Variants in ZXDC observed in about 807,000 individuals in gnomAD.
ZXDC encodes zinc finger protein ZXDC.
A neutral mutation model predicts 63.6 loss-of-function variants in ZXDC; 58 were observed. The ratio of observed to expected loss-of-function variants is 0.91; its 90% CI spans 0.74 to 1.13. The LOEUF (loss-of-function observed/expected upper bound fraction) is 1.13, where lower values mean the gene tolerates loss of function less well. Among genes scored for constraint, ZXDC ranks in the 50% most tolerant of loss-of-function variants. The probability of loss-of-function intolerance (pLI) is 0.00; values close to 1 mark genes in which losing one functional copy is unlikely to be tolerated. For synonymous variants in ZXDC, 561 were observed against 496.1 expected (o/e 1.13, Z -1.74); for missense variants, 1,133 against 1,148.9 (o/e 0.99, Z 0.20).
chr3:126,471,596 A>C (rs1934982030), intron 3 of ZXDC, among the ~76,000 whole-genome samples: 1 of 152,146 alleles, frequency 6.6e-6, no homozygotes, highest in Admixed American at 6.5e-5. Flanking sequence ...TAGAAGACAC[A>C]CATGTAAAGT....
intron 1 of ZXDC, among the ~76,000 whole-genome samples, chr3:126,473,985 T>C (rs1404167086): frequency 6.6e-6 from 1 of 151,458 alleles, no homozygotes; most frequent in Admixed American, 6.6e-5. Flanking sequence ...CCCATCCTGG[T>C]GAAGAGCTCA....
Position 126,452,033 on chromosome 3 carries a change from A to AT in ZXDC, c.2212+7619dup, listed in dbSNP as rs35798393. 5.6e-5 allele frequency: 55 copies of AT among 982,354 alleles called. No homozygotes were observed. The East Asian group carries it at 1.0e-3, about 18-fold the overall frequency. The allele number at this position is 982,354 out of a possible 1,614,324, so 60.9% of individuals were successfully genotyped here. On this transcript the variant is annotated intron_variant, in intron 7 of 9. Coordinates refer to ENST00000389709, the MANE Select transcript of ZXDC (RefSeq NM_025112.5). ...TCTTTATTCTGTATGGAATTCTAAT[A>AT]TTTTTTTTTCCCTAAAAGGCCAGCA...
chr3:126,462,361 GAC>G (rs1934591991), intron 5 of ZXDC, 141 bp from the exon 6 acceptor site: 2 of 1,396,126 alleles, frequency 1.4e-6, no homozygotes, highest in Non-Finnish European at 1.9e-6. Flanking sequence ...TGGTTATCAC[GAC>G]AGAGTCCCAT....
Position 126,441,846 on chromosome 3 carries a change from C to G in ZXDC, c.2313G>C (p.Val771=). 1 of 1,613,894 alleles carries G rather than the reference C, an allele frequency of 6.2e-7. No individual in the cohort carries two copies. The part of the protein sequence containing the change: ...QNSWLCGSLV[V]PSGGRPGPAP... The stretch of plus-strand genomic sequence containing the variant: ...CTGGTCCTGGCCGTCCTCCGCTGGG[C>G]ACCACGAGGCTCCCACACAACCAAC... Residue 771 remains valine, a synonymous_variant, in exon 8 of 10, where the codon GTG becomes GTC. Transcript: ENST00000389709.
At chr3:126,452,856 A>G (rs1346405669) in intron 7 of ZXDC, 1 of 270,732 alleles carries the variant, frequency 3.7e-6, no homozygotes, top group Non-Finnish European at 5.6e-6. Flanking sequence ...CTTCCGCCTC[A>G]GTCTCCCCAG....
intron 1 of ZXDC, among the ~76,000 whole-genome samples, chr3:126,474,444 G>A (rs1469019605): frequency 6.6e-6 from 1 of 152,100 alleles, no homozygotes; most frequent in Non-Finnish European, 1.5e-5. Context: ...CTTCACAGAC[G>A]GCTAATTTTT....
rs550100088 is a variant in ZXDC, at chr3:126,473,410, A to G, written c.908-1105T>C. On this transcript the variant is annotated intron_variant, in intron 1 of 9. Coordinates refer to ENST00000389709, the MANE Select transcript of ZXDC (RefSeq NM_025112.5). Reference sequence around the variant, plus strand: ...CTTCCCTGGTCCTGCTCCTGCTTCTAAACATCTAATCTCATCTAACCATCT... The same window carrying G: ...CTTCCCTGGTCCTGCTCCTGCTTCTGAACATCTAATCTCATCTAACCATCT... Among the ~76,000 whole-genome samples the G allele has an allele frequency of 1.4e-4, 21 of 152,284 alleles. No individual in the cohort carries two copies. The South Asian group carries it at 3.7e-3, about 27-fold the overall frequency.
chr3:126,475,576 T>A lies in ZXDC; in HGVS notation c.290A>T (p.Glu97Val). The A allele has an allele frequency of 1.4e-6, 2 of 1,441,100 alleles. No individual in the cohort carries two copies. Among genetic ancestry groups the A allele is most frequent in the Non-Finnish European group, 9.2e-7 (1 of 1,092,852 alleles). 89.3% of individuals were successfully genotyped at this position (1,441,100 alleles called of 1,614,324 possible). Reference protein sequence around the residue: ...AAEAAGSQEAEPGSRVNLASR... With the variant: ...AAEAAGSQEAVPGSRVNLASR... ...CGCCAGGTTGACACGGGAGCCAGGCTCGGCCTCCTGTGATCCGGCAGCCTC... is the reference window on the plus strand; with the variant it reads ...CGCCAGGTTGACACGGGAGCCAGGCACGGCCTCCTGTGATCCGGCAGCCTC... The change falls in exon 1 of 10, where the codon GAG becomes GTG. Residue 97 changes from glutamate to valine, a missense_variant. Physicochemically the swap from Glu to Val is moderately radical, Grantham distance 121 (BLOSUM62 -2). Coordinates refer to ENST00000389709, the MANE Select transcript of ZXDC (RefSeq NM_025112.5).
chr3:126,462,211 G>T lies in ZXDC; in HGVS notation c.1451C>A (p.Pro484His). 1.9e-6 allele frequency: 3 copies of T among 1,588,518 alleles called. No homozygotes were observed. The highest frequency in any genetic ancestry group is 1.8e-5 in the Admixed American group (1 of 56,794). The change falls in exon 6 of 10, where the codon CCT becomes CAT. Residue 484 changes from proline to histidine, a missense_variant. Coordinates refer to ENST00000389709, the MANE Select transcript of ZXDC (RefSeq NM_025112.5). ...AAGAGAACTCGGAGCTTCTAGCTGAGGTAAGAGATCTGAAAAAAAAAGGAA... is the reference window on the plus strand; with the variant it reads ...AAGAGAACTCGGAGCTTCTAGCTGATGTAAGAGATCTGAAAAAAAAAGGAA... ...RQHSRRQDLL[P>H]QLEAPSSLTP...
In ZXDC at chr3:126,474,965, A is replaced by G. The variant is rs1436818710; in HGVS notation, c.901T>C (p.Phe301Leu). 6.3e-7 allele frequency: 1 copy of G among 1,575,084 alleles called. No homozygotes were observed. Among genetic ancestry groups the G allele is most frequent in the East Asian group, 2.3e-5 (1 of 43,160 alleles). The change falls in exon 1 of 10, where the codon TTT becomes CTT. Residue 301 changes from phenylalanine (F) to leucine (L), a missense_variant. Phe to Leu is a conservative substitution (Grantham distance 22, BLOSUM62 0). Coordinates refer to ENST00000389709, the MANE Select transcript of ZXDC (RefSeq NM_025112.5). Reference sequence around the variant, plus strand: ...CCCCCGAGAGCGCGGTTACCGGGAAAGTCACACTTGTAAGGGCGCTCGGGC... The same window carrying G: ...CCCCCGAGAGCGCGGTTACCGGGAAGGTCACACTTGTAAGGGCGCTCGGGC... ...FEPERPYKCD[F>L]PGCEKTFITV... is the part of the protein sequence containing the mutation.
chr3:126,449,968 G>A (rs930988487), intron 7 of ZXDC, among the ~76,000 whole-genome samples: 1 of 152,194 alleles, frequency 6.6e-6, no homozygotes. Flanking sequence ...CGGGAAACTC[G>A]GCTCACAGCC....
Position 126,467,888 on chromosome 3 carries a change from C to T in ZXDC, c.1271-1563G>A, listed in dbSNP as rs186070135. Among the ~76,000 whole-genome samples the T allele has an allele frequency of 1.5e-4, 23 of 152,324 alleles. No individual in the cohort carries two copies. The South Asian group carries it at 4.6e-3, about 30-fold the overall frequency. On this transcript the variant is annotated intron_variant, in intron 4 of 9. Coordinates refer to ENST00000389709, the MANE Select transcript of ZXDC (RefSeq NM_025112.5). ...TCTTGATGGCAGGGCCACGCTACAACAGGACCCTTGCACACTCTTGCCAGC... is the reference window on the plus strand; with the variant it reads ...TCTTGATGGCAGGGCCACGCTACAATAGGACCCTTGCACACTCTTGCCAGC...
intron 7 of ZXDC, among the ~76,000 whole-genome samples, chr3:126,447,516 CCTTT>C (rs1374456225): frequency 6.6e-5 from 10 of 152,272 alleles, no homozygotes; most frequent in Middle Eastern, 3.4e-3. Context: ...ATCATTCTCT[CCTTT>C]CTATTTGATT....
chr3:126,450,302 TC>T, intron 7 of ZXDC: 1 of 456,388 alleles, frequency 2.2e-6, no homozygotes, highest in Non-Finnish European at 4.4e-6. Context: ...GGCAAAATTC[TC>T]CTGCCCCTAA....
At chr3:126,473,201 T>C (rs998383118) in intron 1 of ZXDC, among the ~76,000 whole-genome samples, 1 of 152,146 alleles carries the variant, frequency 6.6e-6, no homozygotes, top group African/African-American at 2.4e-5. Context: ...TTCGGTGTGT[T>C]CACACACTTG....
At chr3:126,441,527 G>A in intron 8 of ZXDC, 1 of 1,286,636 alleles carries the variant, frequency 7.8e-7, no homozygotes, top group Non-Finnish European at 9.8e-7. Context: ...TCAGGAAGTG[G>A]ATGCACGGTC....
At chr3:126,446,608 A>G (rs1292876929) in intron 7 of ZXDC, among the ~76,000 whole-genome samples, 1 of 152,124 alleles carries the variant, frequency 6.6e-6, no homozygotes, top group Non-Finnish European at 1.5e-5. Context: ...AGCTTCCTCT[A>G]CTGAGATCCT....
chr3:126,462,157 C>G lies in ZXDC; in HGVS notation c.1505G>C (p.Gly502Ala), dbSNP rs1413238174. ...LTPSSELSSP[G>A]QSELTNMDLA... ...ATCCATGTTAGTGAGCTCACTTTGG[C>G]CTGGGCTGCTGAGTTCACTGCTGGG... is the stretch of plus-strand genomic sequence containing the variant. Residue 502 changes from glycine to alanine, a missense_variant, in exon 6 of 10, where the codon GGC becomes GCC. Physicochemically the swap from Gly to Ala is moderately conservative, Grantham distance 60 (BLOSUM62 0). Coordinates refer to ENST00000389709, the MANE Select transcript of ZXDC (RefSeq NM_025112.5). 1 of 1,612,150 alleles carries G rather than the reference C, an allele frequency of 6.2e-7. No individual in the cohort carries two copies. Among genetic ancestry groups the G allele is most frequent in the Non-Finnish European group, 8.5e-7 (1 of 1,179,984 alleles).
At chr3:126,463,123 C>A (rs1345146516) in intron 5 of ZXDC, among the ~76,000 whole-genome samples, 2 of 151,820 alleles carry the variant, frequency 1.3e-5, no homozygotes, top group African/African-American at 4.8e-5. Context: ...GGCTGGAGTG[C>A]AGTGGCGCGA....
Sources: gnomAD v4.1 joint callset for allele counts (sites outside exome capture counted in the v4.1 genomes callset) on GRCh38, gnomAD v4.1.1 for gene constraint, MANE v1.5 for transcripts, NCBI Gene and HGNC (gene_info 2026-07-23, HGNC 2026-07-21) for gene names.